Variants in CIMIP7 observed in about 807,000 individuals in gnomAD.
CIMIP7 encodes the protein uncharacterized protein C3orf84.
the CIMIP7 span, among the ~76,000 whole-genome samples, chr3:49,185,376 G>C: frequency 6.6e-6 from 1 of 151,562 alleles, no homozygotes; most frequent in Admixed American, 6.6e-5. Flanking sequence ...ACCAACCAGG[G>C]AAATATGGTG....
the CIMIP7 span, chr3:49,177,744 T>C: frequency 3.7e-6 from 6 of 1,609,778 alleles, no homozygotes; most frequent in Non-Finnish European, 5.1e-6. Context: ...GGTCAGGCAG[T>C]ACGTCAGTGA....
chr3:49,178,079 C>G, the CIMIP7 span: 1 of 1,545,104 alleles, frequency 6.5e-7, no homozygotes, highest in Admixed American at 1.9e-5. Context: ...GCCCTTGGCC[C>G]ACATTCCTGG....
chr3:49,183,861 G>A, the CIMIP7 span, among the ~76,000 whole-genome samples: 1 of 152,230 alleles, frequency 6.6e-6, no homozygotes, highest in South Asian at 2.1e-4. Flanking sequence ...AAACAAACTG[G>A]TACATTGGTA....
At chr3:49,187,123 C>T in the CIMIP7 span, among the ~76,000 whole-genome samples, 12 of 152,160 alleles carry the variant, frequency 7.9e-5, no homozygotes, top group African/African-American at 1.4e-4. Flanking sequence ...AATTTATTGA[C>T]GCCCAATGAG....
the CIMIP7 span, chr3:49,191,603 TGG>T: frequency 1.1e-6 from 1 of 883,924 alleles, no homozygotes; most frequent in East Asian, 2.4e-5. Flanking sequence ...CTCAAGATGG[TGG>T]AGAGGAAGTG....
chr3:49,177,972 C>G, the CIMIP7 span: 1 of 1,613,498 alleles, frequency 6.2e-7, no homozygotes, highest in East Asian at 2.2e-5. Context: ...CACAGGGTGC[C>G]CAGCGCAGGA....
the CIMIP7 span, chr3:49,190,005 C>T: frequency 6.3e-7 from 1 of 1,591,760 alleles, no homozygotes; most frequent in South Asian, 1.1e-5. Context: ...ACCCCCGCTG[C>T]CTTCAGGTCT....
chr3:49,177,881 G>A, the CIMIP7 span: 2 of 1,613,894 alleles, frequency 1.2e-6, no homozygotes, highest in East Asian at 2.2e-5. Flanking sequence ...AGGTGCTGGG[G>A]GAGGCCACTG....
At chr3:49,188,274 T>C in the CIMIP7 span, among the ~76,000 whole-genome samples, 1 of 152,196 alleles carries the variant, frequency 6.6e-6, no homozygotes, top group Non-Finnish European at 1.5e-5. Context: ...AAGCAATTCA[T>C]AGAAAATCCA....
At chr3:49,190,064 G>T in the CIMIP7 span, 1 of 1,613,506 alleles carries the variant, frequency 6.2e-7, no homozygotes, top group Non-Finnish European at 8.5e-7. Context: ...GCTGGGGCTT[G>T]GCTGCAAGGT....
chr3:49,180,487 C>A, the CIMIP7 span, among the ~76,000 whole-genome samples: 4 of 152,146 alleles, frequency 2.6e-5, no homozygotes, highest in Admixed American at 2.6e-4. Flanking sequence ...CTGCTGTAGA[C>A]CTGAAGTGGC....
the CIMIP7 span, chr3:49,189,989 C>A: frequency 1.3e-6 from 2 of 1,513,654 alleles, no homozygotes; most frequent in African/African-American, 1.4e-5. Context: ...AAGAACTGGT[C>A]TAGTCACCCC....
At chr3:49,184,329 A>G in the CIMIP7 span, among the ~76,000 whole-genome samples, 2 of 151,908 alleles carry the variant, frequency 1.3e-5, no homozygotes, top group East Asian at 3.9e-4. Context: ...ATTTAATTTA[A>G]TTTATTTTTT....
At chr3:49,177,654 T>A in the CIMIP7 span, 37 of 1,586,456 alleles carry the variant, frequency 2.3e-5, no homozygotes, top group Middle Eastern at 1.7e-4. Flanking sequence ...CCTTGTTTAA[T>A]GCTCTGGACC....
chr3:49,190,486 T>C, the CIMIP7 span, among the ~76,000 whole-genome samples: 1 of 151,102 alleles, frequency 6.6e-6, no homozygotes, highest in African/African-American at 2.4e-5. Context: ...CCCTTTGTTG[T>C]TCTCTCCACA....
At chr3:49,190,159 G>A in the CIMIP7 span, 1 of 1,546,604 alleles carries the variant, frequency 6.5e-7, no homozygotes, top group Admixed American at 1.7e-5. Flanking sequence ...ACAGGAATGA[G>A]GATAAAACTC....
chr3:49,188,913 C>T, the CIMIP7 span, among the ~76,000 whole-genome samples: 1 of 151,976 alleles, frequency 6.6e-6, no homozygotes, highest in African/African-American at 2.4e-5. Context: ...TTCTGCCTAC[C>T]TCAGCCTCCT....
At chr3:49,179,061 T>C in the CIMIP7 span, among the ~76,000 whole-genome samples, 1 of 152,190 alleles carries the variant, frequency 6.6e-6, no homozygotes, top group Admixed American at 6.5e-5. Context: ...TCCAAACATA[T>C]GACTGAGCTT....
chr3:49,181,252 G>T, the CIMIP7 span, among the ~76,000 whole-genome samples: 1 of 151,194 alleles, frequency 6.6e-6, no homozygotes, highest in East Asian at 2.0e-4. Flanking sequence ...TGAGGCAGGA[G>T]AATTGCTTGA....
Sources: gnomAD v4.1 joint callset for allele counts (sites outside exome capture counted in the v4.1 genomes callset) on GRCh38, gnomAD v4.1.1 for gene constraint, MANE v1.5 for transcripts, NCBI Gene and HGNC (gene_info 2026-07-23, HGNC 2026-07-21) for gene names.